The following PDE11A variants were observed in gnomAD, a reference collection of about 807,000 sequenced individuals.
PDE11A encodes the protein phosphodiesterase 11A.
In PDE11A, 100 loss-of-function variants were observed where a neutral mutation model predicts 100.5. The observed-to-expected ratio is 1.00, with a 90% CI of 0.85 to 1.18. The LOEUF (loss-of-function observed/expected upper bound fraction) is 1.18. Ranked by LOEUF, PDE11A falls within the 50% of genes most tolerant of loss-of-function variation. The pLI is 0.00. For missense variants in PDE11A, 1,141 were observed against 1,152.6 expected (o/e 0.99, Z 0.15); for synonymous variants, 381 against 420.8 (o/e 0.91, Z 1.16).
At chr2:178,066,086 T>C (rs2087039426) in intron 1 of PDE11A, among the ~76,000 whole-genome samples, 1 of 152,102 alleles carries the variant, frequency 6.6e-6, no homozygotes, top group Non-Finnish European at 1.5e-5. Flanking sequence ...TCTTCTCATA[T>C]CATGAGAAGG....
At chr2:177,895,356 C>T (rs981002958) in intron 4 of PDE11A, among the ~76,000 whole-genome samples, 7 of 152,014 alleles carry the variant, frequency 4.6e-5, no homozygotes, top group African/African-American at 1.7e-4. Flanking sequence ...AGTTCGAGAC[C>T]AGCCTGGCCA....
At chr2:178,051,313 T>C (rs1321690357) in intron 1 of PDE11A, among the ~76,000 whole-genome samples, 1 of 152,144 alleles carries the variant, frequency 6.6e-6, no homozygotes, top group Non-Finnish European at 1.5e-5. Flanking sequence ...TGCTGAGAGA[T>C]TTTGTCAACA....
chr2:177,639,084 T>C (rs12619569), intron 19 of PDE11A, among the ~76,000 whole-genome samples: 92,985 of 151,392 alleles, frequency 0.61, 32,291 homozygotes, highest in Non-Finnish European at 0.75. Flanking sequence ...GCAAGATCAC[T>C]GGGCTCTGCC....
At chr2:177,914,236 C>A (rs1461254945) in intron 2 of PDE11A, among the ~76,000 whole-genome samples, 2 of 151,820 alleles carry the variant, frequency 1.3e-5, no homozygotes, top group African/African-American at 4.8e-5. Context: ...CAGTAAGTAC[C>A]CTTTATGTGC....
chr2:177,845,424 C>G (rs2083574222), intron 5 of PDE11A, among the ~76,000 whole-genome samples: 1 of 150,264 alleles, frequency 6.7e-6, no homozygotes, highest in Non-Finnish European at 1.5e-5. Flanking sequence ...CCCCACATCT[C>G]AGACGATGGG....
chr2:178,051,889 C>T (rs1214866776), intron 1 of PDE11A, among the ~76,000 whole-genome samples: 2 of 152,172 alleles, frequency 1.3e-5, no homozygotes, highest in African/African-American at 2.4e-5. Context: ...TACAAAGAGA[C>T]TTAGATTCCC....
intron 1 of PDE11A, among the ~76,000 whole-genome samples, chr2:178,104,876 T>C (rs1013355097): frequency 6.6e-6 from 1 of 152,220 alleles, no homozygotes; most frequent in African/African-American, 2.4e-5. Context: ...TGCAACCCCT[T>C]ATTTAAAAAT....
chr2:177,702,998 G>A lies in PDE11A; in HGVS notation c.2154-1787C>T, dbSNP rs1295903963. Among the ~76,000 whole-genome samples, 6 of 152,156 alleles carry A rather than the reference G, an allele frequency of 3.9e-5. No individual in the cohort carries two copies. The South Asian group carries it at 8.3e-4, about 21-fold the overall frequency. The stretch of plus-strand genomic sequence containing the variant: ...TCTATGAAGACACGTGTTTCAAAAC[G>A]TATACTATATGCCTTTGTCTTGGCT... On this transcript the variant is annotated intron_variant, in intron 13 of 19. Transcript: ENST00000286063.
intron 2 of PDE11A, chr2:177,921,766 G>C (rs1325007729): frequency 6.6e-6 from 1 of 152,172 alleles, no homozygotes; most frequent in Non-Finnish European, 1.5e-5. Context: ...AGTGAACTGG[G>C]ATGGTGAGCA....
chr2:177,894,087 C>T (rs556263271), intron 4 of PDE11A, among the ~76,000 whole-genome samples: 5 of 152,250 alleles, frequency 3.3e-5, no homozygotes, highest in African/African-American at 7.2e-5. Flanking sequence ...AAACAGTTTC[C>T]TGTTTATCCT....
chr2:177,641,095 A>T (rs1048254663), intron 19 of PDE11A, among the ~76,000 whole-genome samples: 1 of 152,184 alleles, frequency 6.6e-6, no homozygotes, highest in East Asian at 1.9e-4. Flanking sequence ...TATGGAAGCC[A>T]CCATGGAGCA....
intron 15 of PDE11A, among the ~76,000 whole-genome samples, chr2:177,683,026 G>A (rs1395184175): frequency 6.6e-6 from 1 of 152,144 alleles, no homozygotes; most frequent in African/African-American, 2.4e-5. Context: ...CTCTGTACTG[G>A]GGGACAAAGG....
intron 5 of PDE11A, among the ~76,000 whole-genome samples, chr2:177,870,109 T>G (rs1259873406): frequency 2.6e-5 from 4 of 152,312 alleles, no homozygotes; most frequent in Non-Finnish European, 4.4e-5. Flanking sequence ...TTGCATAACT[T>G]GACATGTGTT....
intron 10 of PDE11A, among the ~76,000 whole-genome samples, chr2:177,747,921 CCTGTTG>C (rs1246790908): frequency 6.6e-6 from 1 of 151,978 alleles, no homozygotes; most frequent in Non-Finnish European, 1.5e-5. Context: ...GGTGAGAGCA[CCTGTTG>C]GTGGCAGAGC....
intron 15 of PDE11A, among the ~76,000 whole-genome samples, chr2:177,689,826 A>G (rs1314461344): frequency 2.0e-5 from 3 of 152,210 alleles, no homozygotes; most frequent in Non-Finnish European, 2.9e-5. Context: ...AAGATTAGAG[A>G]CCACAAGGCC....
intron 10 of PDE11A, 124 bp from the exon 11 acceptor site, chr2:177,728,296 A>T: frequency 1.4e-6 from 1 of 737,330 alleles, no homozygotes. Context: ...TTACACCCTG[A>T]TACAGCTAAA....
intron 2 of PDE11A, among the ~76,000 whole-genome samples, chr2:177,957,141 T>C (rs1037616183): frequency 6.6e-6 from 1 of 151,908 alleles, no homozygotes; most frequent in Non-Finnish European, 1.5e-5. Flanking sequence ...AGTAGCAAGA[T>C]ACTTAAAATT....
At chr2:177,718,150 C>T (rs1296015739) in intron 12 of PDE11A, among the ~76,000 whole-genome samples, 1 of 152,168 alleles carries the variant, frequency 6.6e-6, no homozygotes, top group African/African-American at 2.4e-5. Flanking sequence ...TAGTATATGC[C>T]GGGCATTTTC....
At chr2:177,706,579 C>A (rs1290482173) in intron 13 of PDE11A, among the ~76,000 whole-genome samples, 1 of 152,210 alleles carries the variant, frequency 6.6e-6, no homozygotes, top group Non-Finnish European at 1.5e-5. Flanking sequence ...TAAAAAGCCT[C>A]TTTCAGCATT....
Sources: allele counts gnomAD v4.1 joint callset (sites outside exome capture counted in the v4.1 genomes callset), GRCh38; gene constraint gnomAD v4.1.1; transcripts MANE v1.5; gene names NCBI Gene and HGNC (gene_info 2026-07-23, HGNC 2026-07-21).